DAO: variants seen among roughly 807,000 people sequenced by gnomAD.
DAO encodes D-amino acid oxidase.
DAO carries 51 observed loss-of-function variants against 50.1 expected under a neutral mutation model. The ratio of observed to expected loss-of-function variants is 1.02; its 90% CI spans 0.81 to 1.29. The LOEUF is 1.29. DAO is among the 50% of genes most tolerant of loss of function. DAO has a pLI of 0.00. For missense variants in DAO, 436 were observed against 439.4 expected, an observed-to-expected ratio of 0.99 and a Z score of 0.07; for synonymous variants, 160 against 166.2, an observed-to-expected ratio of 0.96 and a Z score of 0.29.
intron 7 of DAO, among the ~76,000 whole-genome samples, chr12:108,895,611 TG>T (rs1277951529): frequency 2.0e-5 from 3 of 148,476 alleles, no homozygotes. Flanking sequence ...GGTGTGTGTG[TG>T]TGAGAGTATG....
chr12:108,885,290 C>A, intron 2 of DAO, 90 bp downstream of exon 2: 1 of 1,236,326 alleles, frequency 8.1e-7, no homozygotes. Context: ...GAGCAAGCCC[C>A]TTGTGGAAGC....
At chr12:108,881,090 G>A (rs1369332756) in intron 1 of DAO, among the ~76,000 whole-genome samples, 1 of 151,470 alleles carries the variant, frequency 6.6e-6, no homozygotes, top group Non-Finnish European at 1.5e-5. Flanking sequence ...TGCATCTACA[G>A]GTGTCTGGCA....
chr12:108,892,184 A>T (rs2039498983), intron 5 of DAO, among the ~76,000 whole-genome samples: 1 of 115,712 alleles, frequency 8.6e-6, no homozygotes, highest in African/African-American at 3.5e-5. Context: ...TTTTTTTGAG[A>T]CAGAGTCTTG....
In DAO at chr12:108,899,430, T is replaced by C; in HGVS notation, c.867T>C (p.Ile289=). The C allele has an allele frequency of 6.2e-7, 1 of 1,613,908 alleles. No individual in the cohort carries two copies. Among genetic ancestry groups the C allele is most frequent in the Non-Finnish European group, 8.5e-7 (1 of 1,179,942 alleles). Residue 289 remains isoleucine (I), a synonymous_variant, in exon 10 of 11, where the codon ATT becomes ATC. Coordinates refer to ENST00000228476, the MANE Select transcript of DAO (RefSeq NM_001917.5). ...RTGFRPVRPQ[I]RLEREQLRTG... ...GCTTCCGGCCAGTACGCCCCCAGAT[T>C]CGGCTAGAAAGAGAACAGCTTCGCA...
rs551811418 is a variant in DAO at position 108,898,303 on chromosome 12, T to C, written c.696-376T>C. ...GACACTATCAATGATGTTAATACTGTAGCAGAGCTGACAGTCTCAAAGGCA... is the reference window on the plus strand; with the variant it reads ...GACACTATCAATGATGTTAATACTGCAGCAGAGCTGACAGTCTCAAAGGCA... On this transcript the variant is annotated intron_variant, in intron 8 of 10. Coordinates refer to ENST00000228476, the MANE Select transcript of DAO (RefSeq NM_001917.5). Among the ~76,000 whole-genome samples, 27 of 152,236 alleles carry C rather than the reference T, an allele frequency of 1.8e-4. No individual in the cohort carries two copies. The South Asian group carries it at 5.4e-3, about 30-fold the overall frequency.
At chr12:108,881,005 A>C (rs2039371753) in intron 1 of DAO, among the ~76,000 whole-genome samples, 1 of 152,152 alleles carries the variant, frequency 6.6e-6, no homozygotes, top group South Asian at 2.1e-4. Context: ...CCTCAGTCCC[A>C]GCCTCCAGAA....
At chr12:108,890,392 G>T (rs2039479022) in intron 5 of DAO, 119 bp downstream of exon 5, 1 of 769,018 alleles carries the variant, frequency 1.3e-6, no homozygotes. Context: ...ATACCCTTAG[G>T]CCTGGTGTGG....
rs200970049 is a variant in DAO at position 108,900,474 on chromosome 12, A to G, written c.983A>G (p.Lys328Arg). The part of the protein sequence containing the change: ...IHWGCALEAA[K>R]LFGRILEEKK... ...TGGGGATGTGCCCTGGAGGCAGCCA[A>G]GCTCTTTGGGAGAATCCTGGAAGAA... is the stretch of plus-strand genomic sequence containing the variant. The change falls in exon 11 of 11, where the codon AAG becomes AGG. Residue 328 changes from lysine to arginine, a missense_variant. By Grantham distance (26) the Lys-to-Arg change is conservative. Coordinates refer to ENST00000228476, the MANE Select transcript of DAO (RefSeq NM_001917.5). The G allele has an allele frequency of 2.5e-6, 4 of 1,614,176 alleles. No individual in the cohort carries two copies. The highest frequency in any genetic ancestry group is 1.3e-5 in the African/African-American group (1 of 75,038).
At chr12:108,897,482 G>A (rs2137366409) in intron 8 of DAO, among the ~76,000 whole-genome samples, 1 of 152,248 alleles carries the variant, frequency 6.6e-6, no homozygotes, top group East Asian at 1.9e-4. Context: ...CTCCCAAAGT[G>A]CTGGGATTAC....
chr12:108,890,176 T>A lies in DAO; in HGVS notation c.387-32T>A, dbSNP rs1475882048. 6.3e-6 allele frequency: 10 copies of A among 1,584,674 alleles called. No individual in the cohort carries two copies. The South Asian group carries it at 1.1e-4, about 18-fold the overall frequency. The stretch of plus-strand genomic sequence containing the variant: ...TCAAATATAGCTCTGATTTTTACCT[T>A]TATTTCCACCTTTTGCTTACTGTGA... On this transcript the variant is annotated intron_variant, in intron 4 of 10. Transcript: ENST00000228476.
chr12:108,885,124 ACCC>A lies in DAO; in HGVS notation c.120_122del (p.Pro41del). 1 of 1,612,788 alleles carries A rather than the reference ACCC, an allele frequency of 6.2e-7. No individual in the cohort carries two copies. The highest frequency in any genetic ancestry group is 8.5e-7 in the Non-Finnish European group (1 of 1,179,218). ...CATAAAGGTCTACGCGGACCGCTTCACCCCACTCACCACCACCGACGTGGCTGC... is the reference window on the plus strand; with the variant it reads ...CATAAAGGTCTACGCGGACCGCTTCACACTCACCACCACCGACGTGGCTGC... On this transcript the variant is annotated inframe_deletion, in exon 2 of 11. Transcript: ENST00000228476.
At chr12:108,886,584 G>C (rs1301070771) in intron 2 of DAO, among the ~76,000 whole-genome samples, 9 of 152,162 alleles carry the variant, frequency 5.9e-5, no homozygotes, top group Non-Finnish European at 1.0e-4. Context: ...TCCCACCTCA[G>C]CCTCCCAAGT....
intron 2 of DAO, among the ~76,000 whole-genome samples, chr12:108,885,762 T>C (rs1217684732): frequency 6.6e-6 from 1 of 152,186 alleles, no homozygotes; most frequent in East Asian, 1.9e-4. Context: ...TACATTTTTA[T>C]TTATTTTTTG....
intron 2 of DAO, among the ~76,000 whole-genome samples, chr12:108,887,180 G>A (rs1418524044): frequency 6.6e-6 from 1 of 152,178 alleles, no homozygotes; most frequent in Non-Finnish European, 1.5e-5. Flanking sequence ...CATCAGCCAT[G>A]TAATCCCATG....
chr12:108,893,319 T>C (rs2039512110), intron 6 of DAO, among the ~76,000 whole-genome samples: 1 of 152,158 alleles, frequency 6.6e-6, no homozygotes, highest in Non-Finnish European at 1.5e-5. Context: ...ATTTTCTCAG[T>C]GTCAGCTGCA....
chr12:108,894,506 A>G (rs1031323045), intron 7 of DAO, 139 bp downstream of exon 7: 5 of 718,214 alleles, frequency 7.0e-6, no homozygotes, highest in Non-Finnish European at 1.2e-5. Flanking sequence ...GACATGTAAA[A>G]AAAACAAACC....
At chr12:108,880,453 C>T in intron 1 of DAO, 1 of 294,196 alleles carries the variant, frequency 3.4e-6, no homozygotes, top group South Asian at 3.4e-5. Flanking sequence ...GATCATAACT[C>T]CCCTCTTACA....
rs2039612626 is a variant in DAO at position 108,900,609 on chromosome 12, C to A, written c.*74C>A. 1.9e-6 allele frequency: 3 copies of A among 1,574,998 alleles called. No individual in the cohort carries two copies. Among genetic ancestry groups the A allele is most frequent in the Non-Finnish European group, 2.6e-6 (3 of 1,150,170 alleles). On this transcript the variant is annotated 3_prime_UTR_variant, in exon 11 of 11. Transcript: ENST00000228476. ...CAGCCAATGAATCAATGTGCTCCTT[C>A]ATAAGCCATTGCTTCTCCCTCACTT...
In DAO at chr12:108,889,466, C is replaced by T. The variant is rs763984381; in HGVS notation, c.310-3C>T. On this transcript the variant is annotated splice_polypyrimidine_tract_variant and splice_region_variant and intron_variant, in intron 3 of 10. Coordinates refer to ENST00000228476, the MANE Select transcript of DAO (RefSeq NM_001917.5). ...CAGTGCCCCCTTTGTCCTTCCTCTT[C>T]AGGACCCTTCCTGGAAGGACACAGT... 5 of 1,609,750 alleles carry T rather than the reference C, an allele frequency of 3.1e-6. No homozygotes were observed. The highest frequency in any genetic ancestry group is 1.1e-5 in the South Asian group (1 of 90,950).
Sources: gnomAD v4.1 joint callset for allele counts (sites outside exome capture counted in the v4.1 genomes callset) on GRCh38, gnomAD v4.1.1 for gene constraint, MANE v1.5 for transcripts, NCBI Gene and HGNC (gene_info 2026-07-23, HGNC 2026-07-21) for gene names.